The following FAM135B variants were observed in gnomAD, a reference collection of about 807,000 sequenced individuals.
FAM135B encodes the protein family with sequence similarity 135 member B.
FAM135B carries 43 observed loss-of-function variants against 127.7 expected under a neutral mutation model. The ratio of observed to expected loss-of-function variants is 0.34; its 90% CI spans 0.26 to 0.43. The LOEUF is 0.43. Among genes scored for constraint, FAM135B ranks in the 20% least tolerant of loss-of-function variants. FAM135B has a pLI of 1.00. For missense variants in FAM135B, 1,558 were observed against 1,725.6 expected (o/e 0.90, Z 1.72); for synonymous variants, 670 against 665.1 (o/e 1.01, Z -0.11).
chr8:138,452,626 T>A (rs1836561668), intron 1 of FAM135B, among the ~76,000 whole-genome samples: 2 of 152,142 alleles, frequency 1.3e-5, no homozygotes, highest in African/African-American at 4.8e-5. Flanking sequence ...ACTCAGCAAT[T>A]ATAAACAATA....
chr8:138,199,608 A>T (rs59364159), intron 7 of FAM135B, among the ~76,000 whole-genome samples: 19,021 of 152,234 alleles, frequency 0.12, 1,470 homozygotes, highest in East Asian at 0.37. Context: ...CTATAAAGAA[A>T]TACGTGAGAC....
At chr8:138,440,257 G>A (rs966061109) in intron 1 of FAM135B, 7 of 152,060 alleles carry the variant, frequency 4.6e-5, no homozygotes, top group African/African-American at 1.7e-4. Flanking sequence ...GCAAATAAAT[G>A]TCTCAGGAAC....
At chr8:138,412,071 A>C (rs76889199) in intron 1 of FAM135B, among the ~76,000 whole-genome samples, 1,820 of 152,286 alleles carry the variant, frequency 0.012, 18 homozygotes, top group African/African-American at 0.024. Flanking sequence ...TAGAAGGGGC[A>C]GTCGGGAAGG....
rs977799973 is a variant in FAM135B, at chr8:138,130,703, T to A, written c.*1890A>T. 6.6e-6 allele frequency: 1 copy of A among 152,236 alleles called. No homozygotes were observed. The highest frequency in any genetic ancestry group is 6.5e-5 in the Admixed American group (1 of 15,280). The allele number at this position is 152,236 out of a possible 1,614,324, so 9.4% of individuals were successfully genotyped here. On this transcript the variant is annotated 3_prime_UTR_variant, in exon 20 of 20. Transcript: ENST00000395297. ...TCTGTACTGAGCATGGGCACTTGCCTAGGTCAGGAAACACAATACCATGTG... is the reference window on the plus strand; with the variant it reads ...TCTGTACTGAGCATGGGCACTTGCCAAGGTCAGGAAACACAATACCATGTG...
At chr8:138,429,101 T>C (rs1370299705) in intron 1 of FAM135B, among the ~76,000 whole-genome samples, 1 of 152,134 alleles carries the variant, frequency 6.6e-6, no homozygotes, top group Non-Finnish European at 1.5e-5. Flanking sequence ...ACAAAAAATA[T>C]GGGTATCTTT....
At chr8:138,225,740 G>T (rs1234055871) in intron 7 of FAM135B, among the ~76,000 whole-genome samples, 1 of 152,110 alleles carries the variant, frequency 6.6e-6, no homozygotes, top group African/African-American at 2.4e-5. Context: ...CTAATAATTG[G>T]GTTAAACTTG....
intron 2 of FAM135B, among the ~76,000 whole-genome samples, chr8:138,332,539 G>A (rs1828261041): frequency 1.3e-5 from 2 of 151,970 alleles, no homozygotes; most frequent in South Asian, 4.2e-4. Context: ...CCTAGACCTG[G>A]TTGCAAAGAT....
At chr8:138,453,482 G>C (rs544897138) in intron 1 of FAM135B, among the ~76,000 whole-genome samples, 1 of 150,862 alleles carries the variant, frequency 6.6e-6, no homozygotes, top group South Asian at 2.1e-4. Flanking sequence ...AGAAGTATAT[G>C]CCCATTCCCT....
chr8:138,171,373 C>T (rs1471504069), intron 11 of FAM135B, among the ~76,000 whole-genome samples: 2 of 152,154 alleles, frequency 1.3e-5, no homozygotes, highest in Non-Finnish European at 2.9e-5. Context: ...CCCCACTCAG[C>T]TCAACCAAAG....
At chr8:138,206,914 A>G (rs1817732022) in intron 7 of FAM135B, among the ~76,000 whole-genome samples, 2 of 151,658 alleles carry the variant, frequency 1.3e-5, no homozygotes, top group Non-Finnish European at 2.9e-5. Context: ...CAACTTCAGC[A>G]TCCCCTCCCC....
chr8:138,218,300 G>C (rs1056096614), intron 7 of FAM135B, among the ~76,000 whole-genome samples: 4 of 152,138 alleles, frequency 2.6e-5, no homozygotes, highest in African/African-American at 9.7e-5. Flanking sequence ...AAAAAGATGA[G>C]AGCTACCATT....
rs1293811323 is a variant in FAM135B, at chr8:138,206,237, CTCTCATCCCCTCCACCTACACA to C, written c.670-8590_670-8569del. On this transcript the variant is annotated intron_variant, in intron 7 of 19. Coordinates refer to ENST00000395297, the MANE Select transcript of FAM135B (RefSeq NM_015912.4). Reference sequence around the variant, plus strand: ...TCATCCCCTCCACCTACACACAGCTCTCTCATCCCCTCCACCTACACACAGCTCTATCATCCCCTCCACCTAC... The same window carrying C: ...TCATCCCCTCCACCTACACACAGCTCCAGCTCTATCATCCCCTCCACCTAC... Among the ~76,000 whole-genome samples the C allele has an allele frequency of 2.7e-5, 4 of 149,598 alleles. 1 individual carries two copies. Among genetic ancestry groups the C allele is most frequent in the African/African-American group, 9.8e-5 (4 of 40,814 alleles).
chr8:138,251,113 T>C (rs1397265259), intron 5 of FAM135B, 99 bp from the exon 6 acceptor site: 4 of 1,340,150 alleles, frequency 3.0e-6, no homozygotes, highest in South Asian at 1.3e-5. Flanking sequence ...CCAAGCACCA[T>C]GCATACATCA....
intron 1 of FAM135B, among the ~76,000 whole-genome samples, chr8:138,370,729 C>G (rs985330228): frequency 2.0e-4 from 30 of 152,290 alleles, no homozygotes; most frequent in African/African-American, 7.0e-4. Context: ...GGATTACAGG[C>G]ATGAACCACC....
rs1434800449 is a variant in FAM135B at position 138,223,417 on chromosome 8, G to T, written c.669+19525C>A. ...AAAAAGATATTTGGGTCCCAAAGAA[G>T]GGCCTCCTAAACCAGCCAGGAGTCA... is the stretch of plus-strand genomic sequence containing the variant. On this transcript the variant is annotated intron_variant, in intron 7 of 19. Transcript: ENST00000395297. 2.0e-5 allele frequency among the ~76,000 whole-genome samples: 3 copies of T among 152,346 alleles called. No homozygotes were observed. In the East Asian group the frequency reaches 5.8e-4, roughly 29 times the overall value.
chr8:138,215,941 T>C (rs1415872373), intron 7 of FAM135B, among the ~76,000 whole-genome samples: 3 of 152,190 alleles, frequency 2.0e-5, no homozygotes, highest in African/African-American at 7.2e-5. Flanking sequence ...TTCTCTGTGC[T>C]ACCCAGAGAA....
intron 19 of FAM135B, 33 bp downstream of exon 19, chr8:138,137,114 A>G (rs1396730622): frequency 1.8e-6 from 2 of 1,114,064 alleles, no homozygotes; most frequent in African/African-American, 3.1e-5. Context: ...TTCAAATTAG[A>G]AAGTCCCTGA....
At chr8:138,385,252 A>G (rs1832120329) in intron 1 of FAM135B, among the ~76,000 whole-genome samples, 1 of 152,134 alleles carries the variant, frequency 6.6e-6, no homozygotes, top group Non-Finnish European at 1.5e-5. Flanking sequence ...GTTGCTTTCC[A>G]GTATATCACT....
chr8:138,142,585 T>G (rs921547732), intron 16 of FAM135B, among the ~76,000 whole-genome samples: 16 of 152,136 alleles, frequency 1.1e-4, no homozygotes, highest in African/African-American at 3.9e-4. Context: ...ATTACAGGTG[T>G]GAGCCACCGC....
Sources: allele counts gnomAD v4.1 joint callset (sites outside exome capture counted in the v4.1 genomes callset), GRCh38; gene constraint gnomAD v4.1.1; transcripts MANE v1.5; gene names NCBI Gene and HGNC (gene_info 2026-07-23, HGNC 2026-07-21).